Variants in LIN54 observed in about 807,000 individuals in gnomAD.
The protein encoded by LIN54 is lin-54 DREAM MuvB core complex component, also known as protein lin-54 homolog.
LIN54 carries 9 observed loss-of-function variants against 78.7 expected under a neutral mutation model. The observed-to-expected ratio is 0.11, with a 90% CI of 0.07 to 0.20. The LOEUF (loss-of-function observed/expected upper bound fraction) is 0.20, where lower values mean the gene tolerates loss of function less well. Among genes scored for constraint, LIN54 ranks in the 10% least tolerant of loss-of-function variants. The pLI is 1.00. For synonymous variants in LIN54, 269 were observed against 318.4 expected, an observed-to-expected ratio of 0.84 and a Z score of 1.65; for missense variants, 573 against 889.9, an observed-to-expected ratio of 0.64 and a Z score of 4.53.
chr4:82,965,738 A>C (rs1467655577), intron 4 of LIN54, among the ~76,000 whole-genome samples: 1 of 152,200 alleles, frequency 6.6e-6, no homozygotes, highest in Non-Finnish European at 1.5e-5. Flanking sequence ...CGGGAGATGA[A>C]AGATGATCTC....
chr4:82,932,083 T>C (rs924068998), intron 11 of LIN54, among the ~76,000 whole-genome samples: 16 of 150,508 alleles, frequency 1.1e-4, no homozygotes, highest in Non-Finnish European at 8.8e-5. Context: ...AACAGGTCTG[T>C]GTATTTTAAT....
intron 1 of LIN54, among the ~76,000 whole-genome samples, chr4:82,989,477 C>T (rs1312294187): frequency 6.6e-6 from 1 of 152,184 alleles, no homozygotes; most frequent in African/African-American, 2.4e-5. Context: ...GTCACACTAG[C>T]TTTCTTCCCC....
chr4:82,951,836 G>A (rs1456756721), intron 4 of LIN54, among the ~76,000 whole-genome samples: 1 of 152,130 alleles, frequency 6.6e-6, no homozygotes, highest in East Asian at 1.9e-4. Context: ...ATGATCAAAC[G>A]ATTTTCAACA....
intron 1 of LIN54, among the ~76,000 whole-genome samples, chr4:82,992,739 G>A (rs1727836152): frequency 6.6e-6 from 1 of 151,766 alleles, no homozygotes; most frequent in African/African-American, 2.4e-5. Flanking sequence ...TAAAAATGAG[G>A]TGTCCCCGGC....
chr4:82,956,353 T>TG (rs1553950645), intron 4 of LIN54, among the ~76,000 whole-genome samples: 3 of 128,844 alleles, frequency 2.3e-5, no homozygotes, highest in African/African-American at 3.4e-5. Flanking sequence ...CCGTCTCAAC[T>TG]AAAAAAAAAA....
At chr4:82,964,831 G>A (rs1462731277) in intron 4 of LIN54, among the ~76,000 whole-genome samples, 1 of 152,112 alleles carries the variant, frequency 6.6e-6, no homozygotes, top group East Asian at 1.9e-4. Context: ...AGCCAACATG[G>A]CGAAACTACA....
chr4:82,932,279 G>T (rs1008750409), intron 11 of LIN54, among the ~76,000 whole-genome samples: 1 of 150,492 alleles, frequency 6.6e-6, no homozygotes. Context: ...TGTATTTTTA[G>T]TAGAGACGGG....
At chr4:82,980,913 TA>T (rs1215168252) in intron 2 of LIN54, among the ~76,000 whole-genome samples, 1 of 152,116 alleles carries the variant, frequency 6.6e-6, no homozygotes, top group Non-Finnish European at 1.5e-5. Context: ...GAAAAAAATA[TA>T]AACAGTACAA....
At chr4:82,932,417 A>T (rs1722038280) in intron 11 of LIN54, among the ~76,000 whole-genome samples, 1 of 151,314 alleles carries the variant, frequency 6.6e-6, no homozygotes, top group Non-Finnish European at 1.5e-5. Context: ...ATTTTAAGAG[A>T]TGTAGCCAGA....
chr4:82,984,004 T>C (rs1435435648), intron 2 of LIN54, among the ~76,000 whole-genome samples, 157 bp downstream of exon 2: 1 of 152,228 alleles, frequency 6.6e-6, no homozygotes. Flanking sequence ...GCATTAGACA[T>C]ATCAAACTTA....
rs1435086841 is a variant in LIN54, at chr4:82,926,954, T to C, written c.*1148A>G. ...CGAGGTCAGGAGATCGAGACCATCC[T>C]GGCTAACACGGTGAAACCCCGTCTC... On this transcript the variant is annotated 3_prime_UTR_variant, in exon 13 of 13. Coordinates refer to ENST00000340417, the MANE Select transcript of LIN54 (RefSeq NM_194282.4). 6.6e-6 allele frequency: 1 copy of C among 152,210 alleles called. No individual in the cohort carries two copies. Among genetic ancestry groups the C allele is most frequent in the Non-Finnish European group, 1.5e-5 (1 of 68,068 alleles). The allele number at this position is 152,210 out of a possible 1,614,324, so 9.4% of individuals were successfully genotyped here. A position where few individuals can be genotyped will look rare whatever the true frequency, so the allele number is the denominator to read the frequency against.
chr4:82,971,930 G>A (rs1725685369), intron 3 of LIN54, among the ~76,000 whole-genome samples: 2 of 152,100 alleles, frequency 1.3e-5, no homozygotes, highest in African/African-American at 2.4e-5. Flanking sequence ...ATGAAGGAGA[G>A]AGCATGACAG....
At position 82,979,009 on chromosome 4, in the gene LIN54, G is replaced by A. The variant is rs1245011487; in HGVS notation, c.685-3C>T. 6.4e-7 allele frequency: 1 copy of A among 1,569,494 alleles called. No homozygotes were observed. The highest frequency in any genetic ancestry group is 2.3e-5 in the East Asian group (1 of 44,366). ...GGCGTTCGAGGCTTCTTAGCAATCT[G>A]AAACATATAAATAACTATGAAGACC... On this transcript the variant is annotated splice_region_variant and splice_polypyrimidine_tract_variant and intron_variant, in intron 2 of 12. Coordinates refer to ENST00000340417, the MANE Select transcript of LIN54 (RefSeq NM_194282.4).
intron 3 of LIN54, 74 bp from the exon 4 acceptor site, chr4:82,970,543 C>T (rs976081306): frequency 5.3e-6 from 7 of 1,323,384 alleles, no homozygotes; most frequent in South Asian, 2.7e-5. Context: ...TGATGCTCTA[C>T]ACTCACAAGG....
At chr4:82,988,694 G>C (rs1430192268) in intron 1 of LIN54, among the ~76,000 whole-genome samples, 1 of 152,086 alleles carries the variant, frequency 6.6e-6, no homozygotes, top group African/African-American at 2.4e-5. Context: ...CTGCTGCACA[G>C]CCTCACCAAC....
At chr4:82,955,878 C>T (rs1350200754) in intron 4 of LIN54, among the ~76,000 whole-genome samples, 1 of 152,020 alleles carries the variant, frequency 6.6e-6, no homozygotes, top group Non-Finnish European at 1.5e-5. Context: ...AAATGAGAAG[C>T]AGGGTGACAA....
upstream of LIN54, chr4:83,012,091 C>T: frequency 1.0e-6 from 1 of 958,976 alleles, no homozygotes; most frequent in Non-Finnish European, 1.2e-6. Flanking sequence ...CCACCCACCC[C>T]AATTGCTGTT....
At chr4:82,974,410 G>A (rs1490413434) in intron 3 of LIN54, among the ~76,000 whole-genome samples, 2 of 151,862 alleles carry the variant, frequency 1.3e-5, no homozygotes, top group African/African-American at 4.8e-5. Flanking sequence ...GCACCTTAAG[G>A]ACATTATGCT....
chr4:82,999,971 C>T (rs1043950161), intron 1 of LIN54, among the ~76,000 whole-genome samples: 2 of 152,074 alleles, frequency 1.3e-5, no homozygotes, highest in African/African-American at 4.8e-5. Context: ...GAGCTCACTG[C>T]AGCCTCGACC....
Sources: gnomAD v4.1 joint callset for allele counts (sites outside exome capture counted in the v4.1 genomes callset) on GRCh38, gnomAD v4.1.1 for gene constraint, MANE v1.5 for transcripts, NCBI Gene and HGNC (gene_info 2026-07-23, HGNC 2026-07-21) for gene names.